Variants in PAX7 observed in about 807,000 individuals in gnomAD.
PAX7 encodes the protein paired box 7.
In PAX7, 18 loss-of-function variants were observed where a neutral mutation model predicts 50.7. That is an observed-to-expected ratio of 0.36 (90% CI 0.25 to 0.53). PAX7 has a LOEUF of 0.53. PAX7 is among the 20% of genes least tolerant of loss of function. The pLI is 0.93. For missense variants in PAX7, 644 were observed against 702.9 expected, an observed-to-expected ratio of 0.92 and a Z score of 0.95; for synonymous variants, 310 against 290.4, an observed-to-expected ratio of 1.07 and a Z score of -0.69.
intron 7 of PAX7, among the ~76,000 whole-genome samples, chr1:18,708,229 T>A (rs1326620738): frequency 1.3e-5 from 2 of 152,082 alleles, no homozygotes; most frequent in Non-Finnish European, 2.9e-5. Flanking sequence ...TGCTCCGGGC[T>A]GAGGGCCAGT....
intron 4 of PAX7, among the ~76,000 whole-genome samples, chr1:18,683,088 C>A (rs540403076): frequency 2.3e-4 from 35 of 152,232 alleles, no homozygotes; most frequent in African/African-American, 8.2e-4. Flanking sequence ...ACTGGTCAGG[C>A]GGTTGACTCA....
At position 18,636,060 on chromosome 1, in the gene PAX7, A is replaced by G. The variant is rs533023213; in HGVS notation, c.452-177A>G. 6.6e-6 allele frequency among the ~76,000 whole-genome samples: 1 copy of G among 152,116 alleles called. No individual in the cohort carries two copies. The highest frequency in any genetic ancestry group is 1.5e-5 in the Non-Finnish European group (1 of 68,012). ...CCGGGGTGTGAGTCAGGCTTCTCCA[A>G]GTGGATGCTGGTTATGGAGTACGTG... On this transcript the variant is annotated intron_variant, in intron 3 of 8. Coordinates refer to ENST00000420770, the MANE Select transcript of PAX7 (RefSeq NM_001135254.2). The surrounding 1 kb of genome is among the most constrained non-coding windows in gnomAD (Gnocchi z 5.1).
Position 18,745,250 on chromosome 1 carries a change from C to T in PAX7, c.*321C>T. On this transcript the variant is annotated 3_prime_UTR_variant, in exon 9 of 9. Transcript: ENST00000420770. ...GGAGATTGGGGCCCACCTTGAACAC[C>T]TTGGGTGTCCAGAGGAGGATGGTGC... 5.0e-6 allele frequency: 2 copies of T among 399,310 alleles called. No individual in the cohort carries two copies. The highest frequency in any genetic ancestry group is 3.6e-5 in the South Asian group (1 of 27,682). 24.7% of individuals were successfully genotyped at this position (399,310 alleles called of 1,614,324 possible).
rs754142510 is a variant in PAX7, at chr1:18,634,151, C to CT, written c.86-151dup. Reference sequence around the variant, plus strand: ...GACAGTTGTTTCTCAAACTACCTACCTACCGAAGCCCCAGTGTGAGGACCA... The same window carrying CT: ...GACAGTTGTTTCTCAAACTACCTACCTTACCGAAGCCCCAGTGTGAGGACCA... On this transcript the variant is annotated intron_variant, in intron 1 of 8. Coordinates refer to ENST00000420770, the MANE Select transcript of PAX7 (RefSeq NM_001135254.2). This position sits in a 1 kb window ranked among gnomAD's most constrained non-coding sequence, Gnocchi z 4.0. 9 of 616,850 alleles carry CT rather than the reference C, an allele frequency of 1.5e-5. No individual in the cohort carries two copies. The highest frequency in any genetic ancestry group is 3.7e-5 in the African/African-American group (2 of 54,316). The allele number at this position is 616,850 out of a possible 1,614,324, so 38.2% of individuals were successfully genotyped here.
At chr1:18,702,173 A>T (rs2089230669) in intron 6 of PAX7, among the ~76,000 whole-genome samples, 1 of 100,440 alleles carries the variant, frequency 1.0e-5, no homozygotes, top group Non-Finnish European at 1.8e-5. Context: ...CTCTACTAAA[A>T]ATACAAAAAA....
intron 7 of PAX7, among the ~76,000 whole-genome samples, chr1:18,704,554 AGG>A (rs1446367521): frequency 6.6e-6 from 1 of 152,176 alleles, no homozygotes; most frequent in Admixed American, 6.5e-5. Flanking sequence ...TGGGAGACAG[AGG>A]TTGCAGTGAG....
chr1:18,686,688 G>C (rs2088980496), intron 4 of PAX7, among the ~76,000 whole-genome samples: 1 of 152,000 alleles, frequency 6.6e-6, no homozygotes, highest in Non-Finnish European at 1.5e-5. Context: ...CAAGAGAGTG[G>C]GGGTGCAGGA....
intron 4 of PAX7, among the ~76,000 whole-genome samples, chr1:18,652,424 G>A (rs935297800): frequency 3.9e-5 from 6 of 152,174 alleles, no homozygotes; most frequent in Middle Eastern, 3.2e-3. Flanking sequence ...TCACCAATAC[G>A]GAAAGGCTTT....
rs1165686530 is a variant in PAX7, at chr1:18,745,338, G to A, written c.*409G>A. ...AGTGGGGGCCCTAGCTAGAAGTGGA[G>A]GTGAAGCTTTCAGGGCTGCTCTCAG... On this transcript the variant is annotated 3_prime_UTR_variant, in exon 9 of 9. Transcript: ENST00000420770. 3.7e-6 allele frequency: 1 copy of A among 267,618 alleles called. No individual in the cohort carries two copies. Among genetic ancestry groups the A allele is most frequent in the African/African-American group, 2.2e-5 (1 of 46,014 alleles). 16.6% of individuals were successfully genotyped at this position (267,618 alleles called of 1,614,324 possible). A position where few individuals can be genotyped will look rare whatever the true frequency, so the allele number is the denominator to read the frequency against.
At chr1:18,699,997 A>G (rs1239817875) in intron 5 of PAX7, among the ~76,000 whole-genome samples, 1 of 152,064 alleles carries the variant, frequency 6.6e-6, no homozygotes, top group Non-Finnish European at 1.5e-5. Context: ...GGGTCTATGT[A>G]TGGATTGATA....
intron 4 of PAX7, among the ~76,000 whole-genome samples, chr1:18,646,764 C>G (rs2088346751): frequency 6.6e-6 from 1 of 151,848 alleles, no homozygotes; most frequent in African/African-American, 2.4e-5. Context: ...CCTAATCCCG[C>G]TTTCATTTCC....
At chr1:18,646,472 C>A (rs1287537888) in intron 4 of PAX7, among the ~76,000 whole-genome samples, 1 of 152,128 alleles carries the variant, frequency 6.6e-6, no homozygotes, top group Non-Finnish European at 1.5e-5. Context: ...GGATAAGAGC[C>A]GCTCCTGGCC....
rs1013628826 is a variant in PAX7 at position 18,726,367 on chromosome 1, T to C, written c.1156-9265T>C. 1.3e-5 allele frequency among the ~76,000 whole-genome samples: 2 copies of C among 152,232 alleles called. No individual in the cohort carries two copies. The highest frequency in any genetic ancestry group is 1.3e-4 in the Admixed American group (2 of 15,292). On this transcript the variant is annotated intron_variant, in intron 7 of 8. Transcript: ENST00000420770. The surrounding 1 kb of genome is among the most constrained non-coding windows in gnomAD (Gnocchi z 4.8). The stretch of plus-strand genomic sequence containing the variant: ...AATTTATTCTTTTCCTCCAACCAAC[T>C]CTGTGCTAGATCCTGTGCTCAGGAT...
rs557977326 is a variant in PAX7, at chr1:18,655,248, C to A, written c.586+18877C>A. ...CAGTTTCCACGGTCAGAAACAAGGG[C>A]TGCGGCCGGTCCCAGCCCATGACTA... On this transcript the variant is annotated intron_variant, in intron 4 of 8. Coordinates refer to ENST00000420770, the MANE Select transcript of PAX7 (RefSeq NM_001135254.2). Among the ~76,000 whole-genome samples the A allele has an allele frequency of 7.9e-5, 12 of 152,336 alleles. No homozygotes were observed. The South Asian group carries it at 2.5e-3, about 32-fold the overall frequency.
At chr1:18,730,101 A>G (rs2089628720) in intron 7 of PAX7, among the ~76,000 whole-genome samples, 1 of 152,058 alleles carries the variant, frequency 6.6e-6, no homozygotes, top group South Asian at 2.1e-4. Context: ...GACAGCTGAT[A>G]TTTACTGGGA....
rs993207638 is a variant in PAX7 at position 18,746,606 on chromosome 1, G to C, written c.*1677G>C. The C allele has an allele frequency of 8.7e-6, 2 of 231,116 alleles. No individual in the cohort carries two copies. Among genetic ancestry groups the C allele is most frequent in the African/African-American group, 4.4e-5 (2 of 45,218 alleles). 14.3% of individuals were successfully genotyped at this position (231,116 alleles called of 1,614,324 possible). A position where few individuals can be genotyped will look rare whatever the true frequency, so the allele number is the denominator to read the frequency against. On this transcript the variant is annotated 3_prime_UTR_variant, in exon 9 of 9. Transcript: ENST00000420770. ...GAATTCACAAACATTGGACCAAACTGTTTGTCCCCATCTGGGTTCATGAGG... is the reference window on the plus strand; with the variant it reads ...GAATTCACAAACATTGGACCAAACTCTTTGTCCCCATCTGGGTTCATGAGG...
At chr1:18,666,705 C>T (rs978308638) in intron 4 of PAX7, among the ~76,000 whole-genome samples, 3 of 152,174 alleles carry the variant, frequency 2.0e-5, no homozygotes, top group African/African-American at 4.8e-5. Context: ...CCCCATTGCC[C>T]GGCAAAGTCC....
chr1:18,692,740 C>G (rs890306288), intron 5 of PAX7, among the ~76,000 whole-genome samples: 3 of 152,214 alleles, frequency 2.0e-5, no homozygotes, highest in Non-Finnish European at 4.4e-5. Context: ...CTGGGTAGGC[C>G]AGTTCCTGGC....
At chr1:18,686,715 A>G (rs1274287683) in intron 4 of PAX7, among the ~76,000 whole-genome samples, 1 of 151,912 alleles carries the variant, frequency 6.6e-6, no homozygotes, top group East Asian at 1.9e-4. Context: ...AGTGAGGTTG[A>G]TGTGGTGGCA....
Sources: allele counts gnomAD v4.1 joint callset (sites outside exome capture counted in the v4.1 genomes callset), GRCh38; gene constraint gnomAD v4.1.1; non-coding constraint Gnocchi (gnomAD v3.1); transcripts MANE v1.5; gene names NCBI Gene and HGNC (gene_info 2026-07-23, HGNC 2026-07-21).